Variants in LMCD1 observed in about 807,000 individuals in gnomAD.
The protein encoded by LMCD1 is LIM and cysteine rich domains 1, also known as LIM and cysteine-rich domains protein 1.
Under a neutral mutation model 42.7 loss-of-function variants are expected in LMCD1, and 32 were observed. The ratio of observed to expected loss-of-function variants is 0.75; its 90% CI spans 0.57 to 1.01. LMCD1 has a LOEUF of 1.01. Among genes scored for constraint, LMCD1 ranks in the 50% least tolerant of loss-of-function variants. LMCD1 has a pLI of 0.00. For missense variants in LMCD1, 458 were observed against 483.1 expected, an observed-to-expected ratio of 0.95 and a Z score of 0.49; for synonymous variants, 178 against 184.9, an observed-to-expected ratio of 0.96 and a Z score of 0.30.
At chr3:8,504,112 AT>A (rs1297932870) in intron 1 of LMCD1, among the ~76,000 whole-genome samples, 35 of 152,156 alleles carry the variant, frequency 2.3e-4, no homozygotes, top group Non-Finnish European at 4.7e-4. Flanking sequence ...GAAAGGGCAG[AT>A]TTTTTTTATC....
intron 1 of LMCD1, among the ~76,000 whole-genome samples, chr3:8,506,301 A>T (rs2125008751): frequency 6.6e-6 from 1 of 152,306 alleles, no homozygotes; most frequent in Non-Finnish European, 1.5e-5. Flanking sequence ...CGAGTTGGAA[A>T]GTGGAAAAAT....
chr3:8,545,488 C>T lies in LMCD1; in HGVS notation c.388-3080C>T, dbSNP rs77259654. 7.2e-3 allele frequency among the ~76,000 whole-genome samples: 1,098 copies of T among 152,280 alleles called. 16 individuals are homozygous for T. The highest frequency in any genetic ancestry group is 0.026 in the African/African-American group (1,063 of 41,554). On this transcript the variant is annotated intron_variant, in intron 3 of 5. Transcript: ENST00000157600. ...GCAAAAGCCTGAAGCAGCTAGGAAT[C>T]GTCCTCTGGCCTTTCCTCAGATCTC...
At chr3:8,502,273 A>G (rs1693740007) in intron 1 of LMCD1, among the ~76,000 whole-genome samples, 1 of 87,208 alleles carries the variant, frequency 1.1e-5, no homozygotes, top group African/African-American at 4.6e-5. Flanking sequence ...TAAAATATAT[A>G]TATAAAATAT....
At chr3:8,553,575 C>A (rs887170207) in intron 4 of LMCD1, among the ~76,000 whole-genome samples, 2 of 152,184 alleles carry the variant, frequency 1.3e-5, no homozygotes, top group African/African-American at 4.8e-5. Context: ...ACCCCACCCC[C>A]AGCTTCCCAA....
chr3:8,507,479 AT>A (rs1310336219), intron 1 of LMCD1, among the ~76,000 whole-genome samples: 2 of 152,096 alleles, frequency 1.3e-5, no homozygotes, highest in African/African-American at 2.4e-5. Flanking sequence ...ACCCTTTTAC[AT>A]TTTTTTCTCA....
At position 8,570,806 on chromosome 3, in the gene LMCD1, T is replaced by A. The variant is rs1179553294; in HGVS notation, c.*3208T>A. On this transcript the variant is annotated 3_prime_UTR_variant, in exon 6 of 6. Coordinates refer to ENST00000157600, the MANE Select transcript of LMCD1 (RefSeq NM_014583.4). ...AAATTGAAACTGTTTTACCTTGCAGTCGAGTTTCTTATTTTTCCTGCCCCA... is the reference window on the plus strand; with the variant it reads ...AAATTGAAACTGTTTTACCTTGCAGACGAGTTTCTTATTTTTCCTGCCCCA... The A allele has an allele frequency of 1.3e-5, 2 of 152,174 alleles. No individual in the cohort carries two copies. Among genetic ancestry groups the A allele is most frequent in the African/African-American group, 4.8e-5 (2 of 41,424 alleles). 9.4% of individuals were successfully genotyped at this position (152,174 alleles called of 1,614,324 possible). A position where few individuals can be genotyped will look rare whatever the true frequency, so the allele number is the denominator to read the frequency against.
At chr3:8,562,353 A>C (rs1165960770) in intron 4 of LMCD1, among the ~76,000 whole-genome samples, 2 of 152,172 alleles carry the variant, frequency 1.3e-5, no homozygotes, top group Non-Finnish European at 2.9e-5. Context: ...GCCATGCCAG[A>C]ATGCATTCTC....
At chr3:8,529,471 G>GA (rs34386892) in intron 1 of LMCD1, among the ~76,000 whole-genome samples, 73,160 of 152,018 alleles carry the variant, frequency 0.48, 18,547 homozygotes, top group African/African-American at 0.56. Context: ...AACTAGGCCA[G>GA]TCGCCTGTGT....
chr3:8,549,970 C>A, intron 4 of LMCD1: 2 of 1,354,578 alleles, frequency 1.5e-6, no homozygotes, highest in South Asian at 1.2e-5. Flanking sequence ...CCAATCATCT[C>A]TTAAAGGCCC....
In LMCD1 at chr3:8,502,320, A is replaced by ATTATATATT. The variant is rs1370915285; in HGVS notation, c.42+348_42+349insTTTATATAT. ...ATTATATATAATATATAAAATATAT[A>ATTATATATT]TTATATATAATATATATTATATATA... On this transcript the variant is annotated intron_variant, in intron 1 of 5. Transcript: ENST00000157600. 9.3e-3 allele frequency among the ~76,000 whole-genome samples: 367 copies of ATTATATATT among 39,376 alleles called. 10 individuals carry two copies. The highest frequency in any genetic ancestry group is 0.02 in the African/African-American group (186 of 9,132). The allele number at this position is 39,376 out of a possible 152,430, so 25.8% of individuals were successfully genotyped here.
intron 1 of LMCD1, among the ~76,000 whole-genome samples, chr3:8,502,320 AT>A (rs1407892244): frequency 2.5e-5 from 1 of 39,480 alleles, no homozygotes; most frequent in African/African-American, 1.1e-4. Flanking sequence ...TAAAATATAT[AT>A]TATATATAAT....
At chr3:8,557,764 A>T (rs551413607) in intron 4 of LMCD1, among the ~76,000 whole-genome samples, 1 of 152,340 alleles carries the variant, frequency 6.6e-6, no homozygotes, top group Non-Finnish European at 1.5e-5. Context: ...CCCAAGGCAT[A>T]TGGCTGAAAC....
chr3:8,554,857 G>A (rs564440617), intron 4 of LMCD1, among the ~76,000 whole-genome samples: 53 of 152,114 alleles, frequency 3.5e-4, no homozygotes, highest in African/African-American at 1.2e-3. Context: ...TCCACACCCC[G>A]AACTTGTAAC....
At chr3:8,550,031 G>T in intron 4 of LMCD1, 1 of 1,510,760 alleles carries the variant, frequency 6.6e-7, no homozygotes, top group African/African-American at 1.4e-5. Context: ...TGAGTGTTTG[G>T]AGGGGATGTT....
chr3:8,567,705 A>G lies in LMCD1; in HGVS notation c.*107A>G. On this transcript the variant is annotated 3_prime_UTR_variant, in exon 6 of 6. Transcript: ENST00000157600. ...GATGTGACAGCAAGCAAGTGAAATA[A>G]ACAATGATTTGCTTTTCAGTGAGAA... 9.2e-7 allele frequency: 1 copy of G among 1,089,322 alleles called. No homozygotes were observed. Among genetic ancestry groups the G allele is most frequent in the Non-Finnish European group, 1.3e-6 (1 of 754,602 alleles). The allele number at this position is 1,089,322 out of a possible 1,614,324, so 67.5% of individuals were successfully genotyped here.
intron 1 of LMCD1, among the ~76,000 whole-genome samples, chr3:8,519,917 T>TGTGTGTGTGTGAGA (rs145408793): frequency 1.3e-5 from 2 of 149,848 alleles, no homozygotes; most frequent in South Asian, 2.2e-4. Context: ...CGTGTGTGTG[T>TGTGTGTGTGTGAGA]GAGAGAGAGT....
intron 3 of LMCD1, among the ~76,000 whole-genome samples, chr3:8,543,440 T>TAGATAGATAGATAGACAGAC (rs1414608408): frequency 2.3e-4 from 31 of 134,250 alleles, no homozygotes; most frequent in African/African-American, 7.1e-4. Context: ...GATAGATAGA[T>TAGATAGATAGATAGACAGAC]AGACAGACAG....
Position 8,560,126 on chromosome 3 carries a change from G to T in LMCD1, c.724-5306G>T, listed in dbSNP as rs116845918. 8.1e-4 allele frequency among the ~76,000 whole-genome samples: 124 copies of T among 152,324 alleles called. 2 individuals are homozygous for T. The East Asian group carries it at 0.021, about 26-fold the overall frequency. On this transcript the variant is annotated intron_variant, in intron 4 of 5. Transcript: ENST00000157600. The stretch of plus-strand genomic sequence containing the variant: ...CTCAAGAACCAGTAACGGGTTAGGT[G>T]CAGTGGCTCATGCCTATAATCCCAG...
At chr3:8,558,411 C>T (rs1483083276) in intron 4 of LMCD1, among the ~76,000 whole-genome samples, 1 of 152,202 alleles carries the variant, frequency 6.6e-6, no homozygotes, top group Non-Finnish European at 1.5e-5. Context: ...GAATAAGGAA[C>T]AAGGCAACAC....
Sources: gnomAD v4.1 joint callset for allele counts (sites outside exome capture counted in the v4.1 genomes callset) on GRCh38, gnomAD v4.1.1 for gene constraint, MANE v1.5 for transcripts, NCBI Gene and HGNC (gene_info 2026-07-23, HGNC 2026-07-21) for gene names.